The following NKAIN3 variants were observed in gnomAD, a reference collection of about 807,000 sequenced individuals.
NKAIN3 encodes the protein sodium/potassium transporting ATPase interacting 3.
Under a neutral mutation model 30.2 loss-of-function variants are expected in NKAIN3, and 25 were observed. The ratio of observed to expected loss-of-function variants is 0.83; its 90% CI spans 0.60 to 1.16. The LOEUF is 1.16. Ranked by LOEUF, NKAIN3 falls within the 50% of genes most tolerant of loss-of-function variation. The probability of loss-of-function intolerance (pLI) is 0.00; values close to 1 mark genes in which losing one functional copy is unlikely to be tolerated. For missense variants in NKAIN3, 225 were observed against 254.1 expected, an observed-to-expected ratio of 0.89 and a Z score of 0.78; for synonymous variants, 91 against 89.6, an observed-to-expected ratio of 1.02 and a Z score of -0.09.
intron 3 of NKAIN3, among the ~76,000 whole-genome samples, chr8:62,644,985 C>A (rs567209018): frequency 6.6e-6 from 1 of 152,176 alleles, no homozygotes; most frequent in South Asian, 2.1e-4. Flanking sequence ...TAAAGGAACA[C>A]CCAGAGGGAA....
chr8:62,691,957 G>A (rs1563518504), intron 3 of NKAIN3, among the ~76,000 whole-genome samples: 1 of 152,196 alleles, frequency 6.6e-6, no homozygotes, highest in East Asian at 1.9e-4. Flanking sequence ...TTCAGGTTAG[G>A]CAGGCAGCTT....
At chr8:62,545,802 A>C (rs997602886) in intron 1 of NKAIN3, among the ~76,000 whole-genome samples, 5 of 152,188 alleles carry the variant, frequency 3.3e-5, no homozygotes, top group African/African-American at 7.2e-5. Flanking sequence ...TAGGTATGTA[A>C]AAATTTTTCA....
At chr8:62,907,805 G>A (rs949045403) in intron 4 of NKAIN3, among the ~76,000 whole-genome samples, 6 of 152,238 alleles carry the variant, frequency 3.9e-5, no homozygotes, top group African/African-American at 1.4e-4. Flanking sequence ...TCCAGGCAGA[G>A]GTGTGCTGCA....
chr8:62,593,093 T>C (rs1238433012), intron 3 of NKAIN3, among the ~76,000 whole-genome samples: 1 of 151,960 alleles, frequency 6.6e-6, no homozygotes, highest in Non-Finnish European at 1.5e-5. Flanking sequence ...AGTCAAACAA[T>C]GTGTCTGTCA....
In NKAIN3 at chr8:62,405,759, A is replaced by G. The variant is rs181390544; in HGVS notation, c.54+156632A>G. ...CTGGTTCTTATGAAGGTGCTTTTTT[A>G]TGTGAATAGTTGTCCAATTTGGTGT... On this transcript the variant is annotated intron_variant, in intron 1 of 6. Coordinates refer to ENST00000623646, the MANE Select transcript of NKAIN3 (RefSeq NM_001304533.3). Among the ~76,000 whole-genome samples the G allele has an allele frequency of 3.6e-3, 547 of 152,232 alleles. 4 individuals are homozygous for G. Among genetic ancestry groups the G allele is most frequent in the African/African-American group, 0.013 (533 of 41,526 alleles).
At chr8:62,307,534 A>G (rs1258212737) in intron 1 of NKAIN3, among the ~76,000 whole-genome samples, 26 of 150,478 alleles carry the variant, frequency 1.7e-4, no homozygotes, top group Non-Finnish European at 4.4e-5. Context: ...GTAGGAAGAA[A>G]GAGAGACACA....
intron 4 of NKAIN3, among the ~76,000 whole-genome samples, chr8:62,825,012 G>A (rs1327570231): frequency 6.6e-6 from 1 of 152,138 alleles, no homozygotes; most frequent in African/African-American, 2.4e-5. Flanking sequence ...AAATGCAGGG[G>A]AGTGGGGCAG....
chr8:62,360,596 G>A (rs1019395703), intron 1 of NKAIN3, among the ~76,000 whole-genome samples: 1 of 152,130 alleles, frequency 6.6e-6, no homozygotes, highest in Admixed American at 6.5e-5. Context: ...CTATTATTCT[G>A]TTGTTTTGAG....
intron 4 of NKAIN3, among the ~76,000 whole-genome samples, chr8:62,839,217 G>A (rs1819457433): frequency 9.7e-6 from 1 of 103,064 alleles, no homozygotes; most frequent in African/African-American, 3.1e-5. Context: ...ATTTACGCAC[G>A]CTTAATTTTC....
chr8:62,531,931 A>C (rs1028391036), intron 1 of NKAIN3, among the ~76,000 whole-genome samples: 5 of 152,204 alleles, frequency 3.3e-5, no homozygotes, highest in Admixed American at 2.0e-4. Flanking sequence ...GCCAAGTGTC[A>C]TCGTGACTGC....
chr8:62,649,381 G>T (rs1297647882), intron 3 of NKAIN3, among the ~76,000 whole-genome samples: 1 of 152,150 alleles, frequency 6.6e-6, no homozygotes, highest in African/African-American at 2.4e-5. Flanking sequence ...CATAGGGGTG[G>T]CCTGAGCCAA....
intron 1 of NKAIN3, among the ~76,000 whole-genome samples, chr8:62,319,934 T>G (rs2129589312): frequency 6.6e-6 from 1 of 152,282 alleles, no homozygotes; most frequent in Admixed American, 6.5e-5. Context: ...CAGTGGGGTG[T>G]TAAAGTCTCC....
intron 1 of NKAIN3, among the ~76,000 whole-genome samples, chr8:62,526,655 G>C (rs1274927357): frequency 1.3e-5 from 2 of 151,994 alleles, no homozygotes; most frequent in African/African-American, 4.8e-5. Context: ...ATAATGCCAT[G>C]GTTCTGTGTA....
intron 4 of NKAIN3, among the ~76,000 whole-genome samples, chr8:62,812,878 T>A (rs543531898): frequency 4.6e-5 from 7 of 152,084 alleles, no homozygotes; most frequent in African/African-American, 1.7e-4. Flanking sequence ...TAATTTTGGT[T>A]AATCTTTTTA....
intron 4 of NKAIN3, among the ~76,000 whole-genome samples, chr8:62,826,937 G>C (rs553649480): frequency 1.3e-5 from 2 of 152,094 alleles, no homozygotes; most frequent in Admixed American, 6.5e-5. Context: ...TTATCAGAAC[G>C]GGCTATCAAG....
rs150090865 is a variant in NKAIN3 at position 62,469,437 on chromosome 8, T to C, written c.55-110102T>C. 7.5e-3 allele frequency among the ~76,000 whole-genome samples: 1,136 copies of C among 152,246 alleles called. 15 individuals are homozygous for C. Among genetic ancestry groups the C allele is most frequent in the African/African-American group, 0.027 (1,106 of 41,536 alleles). On this transcript the variant is annotated intron_variant, in intron 1 of 6. Coordinates refer to ENST00000623646, the MANE Select transcript of NKAIN3 (RefSeq NM_001304533.3). ...GAATATGAACCAAGTTATCTGAATA[T>C]GAACGTGAGCTCTCTACTCTACTGC...
intron 6 of NKAIN3, among the ~76,000 whole-genome samples, chr8:62,960,500 A>C (rs2130904308): frequency 6.6e-6 from 1 of 151,938 alleles, no homozygotes; most frequent in Non-Finnish European, 1.5e-5. Context: ...GATATAGTCC[A>C]CCACCACCCC....
chr8:62,464,103 C>A (rs996641482), intron 1 of NKAIN3, among the ~76,000 whole-genome samples: 2 of 152,170 alleles, frequency 1.3e-5, no homozygotes, highest in African/African-American at 4.8e-5. Flanking sequence ...TTTAGTTCGA[C>A]AAATGTACCT....
intron 1 of NKAIN3, among the ~76,000 whole-genome samples, chr8:62,281,490 C>T (rs948655019): frequency 3.3e-5 from 5 of 152,144 alleles, no homozygotes; most frequent in African/African-American, 1.2e-4. Flanking sequence ...TTAGATCTTT[C>T]CTGCTTTCTC....
Sources: gnomAD v4.1 joint callset for allele counts (sites outside exome capture counted in the v4.1 genomes callset) on GRCh38, gnomAD v4.1.1 for gene constraint, MANE v1.5 for transcripts, NCBI Gene and HGNC (gene_info 2026-07-23, HGNC 2026-07-21) for gene names.